The following SMAD3 variants were observed in gnomAD, a reference collection of about 807,000 sequenced individuals.
SMAD3 encodes the protein MAD homolog 3.
A neutral mutation model predicts 51.8 loss-of-function variants in SMAD3; 12 were observed. The ratio of observed to expected loss-of-function variants is 0.23; its 90% CI spans 0.15 to 0.38. SMAD3 has a LOEUF of 0.38. SMAD3 is among the 10% of genes least tolerant of loss of function. SMAD3 has a pLI of 1.00. For synonymous variants in SMAD3, 238 were observed against 227.7 expected (o/e 1.05, Z -0.41); for missense variants, 294 against 565.6 (o/e 0.52, Z 4.87).
chr15:67,081,447 G>T (rs74019895), intron 1 of SMAD3, among the ~76,000 whole-genome samples: 3 of 152,058 alleles, frequency 2.0e-5, no homozygotes, highest in Admixed American at 6.6e-5. Context: ...CCCTTCCGTC[G>T]TGAGTCCATC....
At chr15:67,089,001 C>G (rs559053667) in intron 1 of SMAD3, among the ~76,000 whole-genome samples, 68 of 152,244 alleles carry the variant, frequency 4.5e-4, no homozygotes, top group African/African-American at 1.6e-3. Context: ...TGACCTTTCT[C>G]CAGAGAGCCC....
chr15:67,073,579 G>A (rs1267163824), intron 1 of SMAD3, among the ~76,000 whole-genome samples: 1 of 152,182 alleles, frequency 6.6e-6, no homozygotes. Context: ...CACCTTCTTT[G>A]GGCCTCGAAT....
At chr15:67,158,595 G>T (rs781284848) in intron 1 of SMAD3, among the ~76,000 whole-genome samples, 5 of 152,246 alleles carry the variant, frequency 3.3e-5, no homozygotes, top group Non-Finnish European at 7.3e-5. Flanking sequence ...TGGCCACTTG[G>T]CATGGCCCTG....
At chr15:67,108,940 G>A (rs74020104) in intron 1 of SMAD3, among the ~76,000 whole-genome samples, 7,057 of 152,270 alleles carry the variant, frequency 0.046, 527 homozygotes, top group African/African-American at 0.16. Flanking sequence ...AAGATATTAT[G>A]TATTATGAAT....
intron 1 of SMAD3, among the ~76,000 whole-genome samples, chr15:67,146,645 T>G (rs1288995997): frequency 6.6e-6 from 1 of 152,130 alleles, no homozygotes; most frequent in Non-Finnish European, 1.5e-5. Context: ...TTTTATATTT[T>G]CCTTTGAGGA....
At position 67,085,998 on chromosome 15, in the gene SMAD3, C is replaced by T. The variant is rs28683050; in HGVS notation, c.206+19638C>T. 2.5e-3 allele frequency among the ~76,000 whole-genome samples: 374 copies of T among 151,832 alleles called. 1 individual carries two copies. The highest frequency in any genetic ancestry group is 8.4e-3 in the African/African-American group (349 of 41,352). ...CCCTGAGGTTTGGAGTTCCAGTTCC[C>T]TCCTATCTCTGGGTCAGTGGTTTCT... On this transcript the variant is annotated intron_variant, in intron 1 of 8. Transcript: ENST00000327367.
At position 67,069,215 on chromosome 15, in the gene SMAD3, C is replaced by T. The variant is rs1216939149; in HGVS notation, c.206+2855C>T. The stretch of plus-strand genomic sequence containing the variant: ...GGGAGCTGGCGTGATACACACTTAT[C>T]GACATAAAGAAGGTGAAAGAGATTG... On this transcript the variant is annotated intron_variant, in intron 1 of 8. Coordinates refer to ENST00000327367, the MANE Select transcript of SMAD3 (RefSeq NM_005902.4). 3.3e-5 allele frequency among the ~76,000 whole-genome samples: 5 copies of T among 152,082 alleles called. No homozygotes were observed. In the East Asian group the frequency reaches 7.7e-4, roughly 23 times the overall value.
chr15:67,084,345 T>C (rs1314363493), intron 1 of SMAD3, among the ~76,000 whole-genome samples: 1 of 151,852 alleles, frequency 6.6e-6, no homozygotes, highest in South Asian at 2.1e-4. Flanking sequence ...CCTCCCAAAG[T>C]GCTGGGATTA....
intron 1 of SMAD3, among the ~76,000 whole-genome samples, chr15:67,079,595 T>G (rs762827010): frequency 6.6e-6 from 1 of 152,182 alleles, no homozygotes; most frequent in Non-Finnish European, 1.5e-5. Flanking sequence ...TGGTACGTGT[T>G]GCATGGACTG....
intron 6 of SMAD3, among the ~76,000 whole-genome samples, chr15:67,184,414 C>T (rs1376603369): frequency 6.6e-6 from 1 of 152,184 alleles, no homozygotes; most frequent in African/African-American, 2.4e-5. Flanking sequence ...GCCCCCATCC[C>T]TATCGTAGAG....
intron 1 of SMAD3, among the ~76,000 whole-genome samples, chr15:67,149,205 A>G (rs1045018507): frequency 8.5e-5 from 13 of 152,320 alleles, no homozygotes; most frequent in African/African-American, 3.1e-4. Flanking sequence ...CCAAGAGTGC[A>G]GGAGCCTCAC....
At chr15:67,130,091 A>G (rs960970495) in intron 1 of SMAD3, among the ~76,000 whole-genome samples, 2 of 152,202 alleles carry the variant, frequency 1.3e-5, no homozygotes, top group African/African-American at 2.4e-5. Context: ...CTGAATGTCT[A>G]CTATGTCCCA....
chr15:67,117,200 A>G (rs1053591023), intron 1 of SMAD3, among the ~76,000 whole-genome samples: 1 of 152,204 alleles, frequency 6.6e-6, no homozygotes, highest in Non-Finnish European at 1.5e-5. Context: ...CACAGCATTT[A>G]CAGAGGCCTC....
In SMAD3 at chr15:67,191,419, T is replaced by A. The variant is rs1349854436; in HGVS notation, c.*883T>A. ...CAGGCAGCACCACACTGGGTGCGTC[T>A]CCAGTCATCTGTAAGAGCTTGCTCC... On this transcript the variant is annotated 3_prime_UTR_variant, in exon 9 of 9. Coordinates refer to ENST00000327367, the MANE Select transcript of SMAD3 (RefSeq NM_005902.4). 2 of 233,342 alleles carry A rather than the reference T, an allele frequency of 8.6e-6. No individual in the cohort carries two copies. Among genetic ancestry groups the A allele is most frequent in the Non-Finnish European group, 1.7e-5 (2 of 118,068 alleles). The allele number at this position is 233,342 out of a possible 1,614,324, so 14.5% of individuals were successfully genotyped here.
At chr15:67,125,960 G>T in intron 1 of SMAD3, 1 of 985,548 alleles carries the variant, frequency 1.0e-6, no homozygotes, top group Non-Finnish European at 1.2e-6. Context: ...CCACACTCGG[G>T]CCTGTGTTGA....
At chr15:67,074,329 C>T (rs1202464026) in intron 1 of SMAD3, among the ~76,000 whole-genome samples, 2 of 152,156 alleles carry the variant, frequency 1.3e-5, no homozygotes, top group Non-Finnish European at 2.9e-5. Flanking sequence ...AACTAATGAC[C>T]ACAGATGCCT....
At chr15:67,173,730 A>C (rs2140304726) in intron 5 of SMAD3, among the ~76,000 whole-genome samples, 1 of 152,322 alleles carries the variant, frequency 6.6e-6, no homozygotes, top group South Asian at 2.1e-4. Flanking sequence ...TACTGGAGGC[A>C]AAACAAAACA....
At chr15:67,147,026 C>G (rs934305777) in intron 1 of SMAD3, 6 of 152,258 alleles carry the variant, frequency 3.9e-5, no homozygotes, top group African/African-American at 1.4e-4. Flanking sequence ...TCCCACAGTT[C>G]TTTGCTCCTT....
chr15:67,126,086 A>G, intron 1 of SMAD3: 4 of 517,400 alleles, frequency 7.7e-6, no homozygotes, highest in Non-Finnish European at 9.9e-6. Flanking sequence ...TCCTTAGGGA[A>G]TTGCGTAGTT....
Sources: allele counts gnomAD v4.1 joint callset (sites outside exome capture counted in the v4.1 genomes callset), GRCh38; gene constraint gnomAD v4.1.1; transcripts MANE v1.5; gene names NCBI Gene and HGNC (gene_info 2026-07-23, HGNC 2026-07-21).